CYTH1: variants seen among roughly 807,000 people sequenced by gnomAD.
CYTH1 encodes cytohesin-1.
Under a neutral mutation model 61.8 loss-of-function variants are expected in CYTH1, and 18 were observed. That is an observed-to-expected ratio of 0.29 (90% CI 0.20 to 0.43). The LOEUF (loss-of-function observed/expected upper bound fraction) is 0.43, where lower values mean the gene tolerates loss of function less well. Ranked by LOEUF, CYTH1 falls within the 20% of genes least tolerant of loss-of-function variation. The pLI, the probability that CYTH1 is intolerant of heterozygous loss-of-function variation, is 1.00. For synonymous variants in CYTH1, 174 were observed against 184.3 expected, an observed-to-expected ratio of 0.94 and a Z score of 0.45; for missense variants, 336 against 510.5, an observed-to-expected ratio of 0.66 and a Z score of 3.29.
In CYTH1 at chr17:78,700,449, T is replaced by C. The variant is rs759386909; in HGVS notation, c.438-6A>G. The C allele has an allele frequency of 6.2e-7, 1 of 1,609,950 alleles. No individual in the cohort carries two copies. The highest frequency in any genetic ancestry group is 2.2e-5 in the East Asian group (1 of 44,758). On this transcript the variant is annotated splice_region_variant and splice_polypyrimidine_tract_variant and intron_variant, in intron 6 of 13. Coordinates refer to ENST00000446868, the MANE Select transcript of CYTH1 (RefSeq NM_004762.6). The surrounding 1 kb of genome is among the most constrained non-coding windows in gnomAD (Gnocchi z 5.1). ...GGAAGCTCCACAGGAACTGCCTGAG[T>C]GGGTAAAGACAGAGTGTTCCAGAAC...
intron 1 of CYTH1, among the ~76,000 whole-genome samples, chr17:78,726,494 GA>G (rs2093267711): frequency 6.6e-6 from 1 of 152,080 alleles, no homozygotes; most frequent in Non-Finnish European, 1.5e-5. Flanking sequence ...TCCTTTTAAA[GA>G]AAAAAGAAAC....
chr17:78,676,439 C>A (rs1003482045), intron 13 of CYTH1: 2 of 475,734 alleles, frequency 4.2e-6, no homozygotes, highest in African/African-American at 3.9e-5. Context: ...CATTTAGGAA[C>A]AGAATCATAC....
chr17:78,699,721 G>T (rs1337715253), intron 7 of CYTH1, among the ~76,000 whole-genome samples: 2 of 152,086 alleles, frequency 1.3e-5, no homozygotes, highest in South Asian at 2.1e-4. Context: ...ACATACACAT[G>T]CTTTTTTGCT....
At position 78,702,593 on chromosome 17, in the gene CYTH1, T is replaced by C. The variant is rs755937409; in HGVS notation, c.182A>G (p.Gln61Arg). The C allele has an allele frequency of 6.2e-7, 1 of 1,614,210 alleles. No homozygotes were observed. Among genetic ancestry groups the C allele is most frequent in the Non-Finnish European group, 8.5e-7 (1 of 1,180,030 alleles). ...GCCCATGGCTACCTGTTTGTTCCTCTGCATGTTTTTCCTGTAAAACAACCA... is the reference window on the plus strand; with the variant it reads ...GCCCATGGCTACCTGTTTGTTCCTCCGCATGTTTTTCCTGTAAAACAACCA... Reference protein sequence around the residue: ...LGSTEERKNMQRNKQVAMGRK... With the variant: ...LGSTEERKNMRRNKQVAMGRK... The change falls in exon 4 of 14, where the codon CAG becomes CGG. Residue 61 changes from glutamine to arginine, a missense_variant. Around this residue, in one of 4 missense-constraint regions of CYTH1, gnomAD observed 112 missense variants for 127.1 expected, o/e 0.88. Transcript: ENST00000446868.
rs538364680 is a variant in CYTH1 at position 78,708,513 on chromosome 17, G to A, written c.106-252C>T. ...CAGCCTCTGACCTCAAGGAGTTTAC[G>A]GTCTAGGAAAGTTTATAAGCATATA... On this transcript the variant is annotated intron_variant, in intron 2 of 13. Coordinates refer to ENST00000446868, the MANE Select transcript of CYTH1 (RefSeq NM_004762.6). Among the ~76,000 whole-genome samples, 13 of 152,274 alleles carry A rather than the reference G, an allele frequency of 8.5e-5. No homozygotes were observed. In the South Asian group the frequency reaches 1.2e-3, roughly 15 times the overall value.
At chr17:78,723,185 CT>C (rs2093243696) in intron 1 of CYTH1, 1 of 153,038 alleles carries the variant, frequency 6.5e-6, no homozygotes, top group Admixed American at 6.5e-5. Flanking sequence ...GCTGACAGGG[CT>C]CCACACGCCA....
intron 1 of CYTH1, among the ~76,000 whole-genome samples, chr17:78,728,267 C>T (rs891552116): frequency 1.3e-5 from 2 of 152,144 alleles, no homozygotes; most frequent in African/African-American, 2.4e-5. Context: ...TTATTTACGC[C>T]GGGTGCAGTG....
chr17:78,736,043 C>G (rs558058744), intron 1 of CYTH1, among the ~76,000 whole-genome samples: 7 of 152,366 alleles, frequency 4.6e-5, no homozygotes, highest in Admixed American at 2.0e-4. Flanking sequence ...TCTACAGACC[C>G]TGCCCTCCCA....
At chr17:78,780,023 C>A (rs774243101) in intron 1 of CYTH1, among the ~76,000 whole-genome samples, 35 of 152,348 alleles carry the variant, frequency 2.3e-4, no homozygotes, top group Admixed American at 6.5e-4. Context: ...TTCCTGCCCA[C>A]GGCAGCAGGC....
In CYTH1 at chr17:78,679,210, C is replaced by T. The variant is rs144267417; in HGVS notation, c.1118+980G>A. ...TACACAGAGGACTTACAGGGACCTT[C>T]GCAGTCACCTGTGGGCACATTCTCC... On this transcript the variant is annotated intron_variant, in intron 13 of 13. Coordinates refer to ENST00000446868, the MANE Select transcript of CYTH1 (RefSeq NM_004762.6). Among the ~76,000 whole-genome samples, 482 of 152,350 alleles carry T rather than the reference C, an allele frequency of 3.2e-3. 1 individual carries two copies. The highest frequency in any genetic ancestry group is 0.011 in the African/African-American group (441 of 41,582).
At chr17:78,764,035 C>T (rs1271807973) in intron 1 of CYTH1, among the ~76,000 whole-genome samples, 2 of 151,822 alleles carry the variant, frequency 1.3e-5, no homozygotes, top group South Asian at 2.1e-4. Flanking sequence ...CGCTTGAACC[C>T]GGGAGGCAGA....
intron 1 of CYTH1, among the ~76,000 whole-genome samples, chr17:78,714,681 C>T (rs909696336): frequency 6.6e-5 from 10 of 152,146 alleles, no homozygotes; most frequent in African/African-American, 2.4e-4. Context: ...GGCTCTGGCT[C>T]ACTCGCCCTG....
intron 10 of CYTH1, 105 bp downstream of exon 10, chr17:78,695,902 C>T (rs2092933288): frequency 2.2e-6 from 3 of 1,340,166 alleles, no homozygotes; most frequent in Admixed American, 4.1e-5. Context: ...TTAACACTAC[C>T]ACCGGCAATT....
intron 3 of CYTH1, among the ~76,000 whole-genome samples, chr17:78,702,989 T>G (rs2093028714): frequency 6.6e-6 from 1 of 152,120 alleles, no homozygotes. Context: ...GCTCACTGTG[T>G]TGCCCAGGCT....
intron 13 of CYTH1, chr17:78,677,431 T>G: frequency 5.2e-6 from 1 of 193,064 alleles, no homozygotes; most frequent in Non-Finnish European, 1.1e-5. Flanking sequence ...AACTCCCGCT[T>G]CCTCACATGC....
intron 4 of CYTH1, 147 bp from the exon 5 acceptor site, chr17:78,702,387 GT>G: frequency 9.7e-7 from 1 of 1,028,954 alleles, no homozygotes; most frequent in Non-Finnish European, 1.4e-6. Flanking sequence ...GGGAGTCACA[GT>G]TTAGGAACAA....
In CYTH1 at chr17:78,709,670, C is replaced by T; in HGVS notation, c.85G>A (p.Glu29Lys). 1 of 1,614,262 alleles carries T rather than the reference C, an allele frequency of 6.2e-7. No homozygotes were observed. The highest frequency in any genetic ancestry group is 8.5e-7 in the Non-Finnish European group (1 of 1,180,046). The change falls in exon 2 of 14, where the codon GAG (glutamate) becomes AAG (lysine). Residue 29 changes from glutamate to lysine, a missense_variant. Glu to Lys is a moderately conservative substitution (Grantham distance 56). Coordinates refer to ENST00000446868, the MANE Select transcript of CYTH1 (RefSeq NM_004762.6). Reference sequence around the variant, plus strand: ...CCTACCTGAATGTCAGCCAGCAGCTCCTGTTTTCTCCGTCGGATGTTCTCC... The same window carrying T: ...CCTACCTGAATGTCAGCCAGCAGCTTCTGTTTTCTCCGTCGGATGTTCTCC... ...ELENIRRRKQ[E>K]LLADIQRLKD...
At chr17:78,752,899 TTTG>T (rs1484411143) in intron 1 of CYTH1, among the ~76,000 whole-genome samples, 3 of 152,224 alleles carry the variant, frequency 2.0e-5, no homozygotes, top group Non-Finnish European at 4.4e-5. Flanking sequence ...ACGCATGAAT[TTTG>T]TTGTTGTTTA....
intron 1 of CYTH1, among the ~76,000 whole-genome samples, chr17:78,745,451 A>G (rs572684225): frequency 6.6e-6 from 1 of 152,340 alleles, no homozygotes; most frequent in East Asian, 1.9e-4. Context: ...TAAACTTCAC[A>G]CTACTCCTAG....
Sources: gnomAD v4.1 joint callset for allele counts (sites outside exome capture counted in the v4.1 genomes callset) on GRCh38, gnomAD v4.1.1 for gene constraint, gnomAD v4.1.1 regional missense constraint, Gnocchi (gnomAD v3.1) non-coding constraint, MANE v1.5 for transcripts, NCBI Gene and HGNC (gene_info 2026-07-23, HGNC 2026-07-21) for gene names.